RMST: variants seen among roughly 807,000 people sequenced by gnomAD.
RMST encodes long intergenic non-protein coding RNA 54.
intron 11 of RMST, chr12:97,560,391 C>G (rs756042585): frequency 5.9e-5 from 9 of 152,138 alleles, no homozygotes; most frequent in Non-Finnish European, 1.0e-4. Context: ...TTGTAAAAAG[C>G]AATGAATGTG....
chr12:97,499,657 C>CTTTTTTTTTTTTTTTTTTTTTTTT (rs540776298), intron 10 of RMST, among the ~76,000 whole-genome samples: 2 of 131,912 alleles, frequency 1.5e-5, no homozygotes, highest in African/African-American at 3.0e-5. Flanking sequence ...TTTTTTCTTT[C>CTTTTTTTTTTTTTTTTTTTTTTTT]TTTTTTTTTT....
intron 10 of RMST, among the ~76,000 whole-genome samples, chr12:97,507,258 T>C (rs80031733): frequency 7.3e-6 from 1 of 137,548 alleles, no homozygotes; most frequent in African/African-American, 3.1e-5. Context: ...GTTGTTATTG[T>C]TTTTTTTTTG....
chr12:97,527,906 TA>T (rs1881269066), intron 10 of RMST, among the ~76,000 whole-genome samples: 1 of 151,970 alleles, frequency 6.6e-6, no homozygotes, highest in Non-Finnish European at 1.5e-5. Flanking sequence ...AGAAAAAAAA[TA>T]AAAGGTGTAG....
intron 10 of RMST, among the ~76,000 whole-genome samples, chr12:97,498,031 T>A (rs926286708): frequency 2.6e-5 from 4 of 152,108 alleles, no homozygotes; most frequent in African/African-American, 9.7e-5. Flanking sequence ...CTAGTCCAAA[T>A]TTTTCAACAA....
intron 10 of RMST, among the ~76,000 whole-genome samples, chr12:97,528,315 C>G (rs1881311600): frequency 6.6e-6 from 1 of 152,036 alleles, no homozygotes; most frequent in Non-Finnish European, 1.5e-5. Context: ...TTTTATCAGT[C>G]TTTCTTATTA....
chr12:97,533,482 T>A (rs934238098), intron 11 of RMST: 1 of 151,864 alleles, frequency 6.6e-6, no homozygotes, highest in Admixed American at 6.6e-5. Context: ...ATATTCAGTA[T>A]TTTCATTAAG....
intron 10 of RMST, among the ~76,000 whole-genome samples, chr12:97,516,363 C>A (rs961714719): frequency 3.3e-5 from 5 of 151,842 alleles, no homozygotes; most frequent in Admixed American, 2.0e-4. Context: ...TTTTGTAAAA[C>A]CCTGCAGTAC....
At chr12:97,535,037 T>G (rs1312282656) in intron 11 of RMST, among the ~76,000 whole-genome samples, 26 of 151,698 alleles carry the variant, frequency 1.7e-4, no homozygotes, top group Admixed American at 1.7e-3. Context: ...TTAAAAAAAT[T>G]ATTCATAGTA....
intron 5 of RMST, among the ~76,000 whole-genome samples, chr12:97,485,962 A>G (rs1042866520): frequency 5.3e-5 from 8 of 152,372 alleles, no homozygotes; most frequent in African/African-American, 1.9e-4. Flanking sequence ...TATCTGTGCA[A>G]AGGGATAATG....
intron 10 of RMST, among the ~76,000 whole-genome samples, chr12:97,497,820 G>A (rs1490654417): frequency 1.3e-5 from 2 of 152,212 alleles, no homozygotes; most frequent in East Asian, 1.9e-4. Flanking sequence ...GGGGAAGGAG[G>A]CAGTCACCCT....
At chr12:97,486,365 G>C (rs953470913) in intron 5 of RMST, among the ~76,000 whole-genome samples, 3 of 139,244 alleles carry the variant, frequency 2.2e-5, no homozygotes, top group Non-Finnish European at 4.7e-5. Context: ...CCTTGAACAT[G>C]CTCCTATGAA....
At chr12:97,484,721 T>G (rs1366203032) in intron 5 of RMST, among the ~76,000 whole-genome samples, 2 of 152,182 alleles carry the variant, frequency 1.3e-5, no homozygotes, top group African/African-American at 4.8e-5. Context: ...TCTTTCAAGC[T>G]ATATATAACT....
chr12:97,527,372 C>T (rs1249563819), intron 10 of RMST, among the ~76,000 whole-genome samples: 1 of 152,132 alleles, frequency 6.6e-6, no homozygotes, highest in African/African-American at 2.4e-5. Flanking sequence ...CTTCAACAAC[C>T]CATTGTCATT....
In RMST at chr12:97,466,709, C is replaced by T. The variant is rs534305187; in HGVS notation, n.644+982C>T. 3.3e-5 allele frequency among the ~76,000 whole-genome samples: 5 copies of T among 152,106 alleles called. No homozygotes were observed. In the South Asian group the frequency reaches 6.2e-4, roughly 19 times the overall value. On this transcript the variant is annotated intron_variant and non_coding_transcript_variant, in intron 5 of 13. Coordinates refer to ENST00000640149, the Ensembl canonical transcript of RMST. ...TTTTAATAGCTGTTCTCTAATATCT[C>T]GTTCCAAATACAATGTTTTTATTGC... is the stretch of plus-strand genomic sequence containing the variant.
chr12:97,549,175 T>G (rs1342120772), intron 11 of RMST, among the ~76,000 whole-genome samples: 1 of 152,190 alleles, frequency 6.6e-6, no homozygotes, highest in Admixed American at 6.5e-5. Context: ...GAAGTTGAAA[T>G]CTCCTTAAGG....
At chr12:97,477,388 AAG>A (rs1874680641) in intron 5 of RMST, among the ~76,000 whole-genome samples, 1 of 152,196 alleles carries the variant, frequency 6.6e-6, no homozygotes, top group East Asian at 1.9e-4. Context: ...CAGAAATCAA[AAG>A]ACCAGATAAG....
At chr12:97,498,550 T>C (rs1217101763) in intron 10 of RMST, among the ~76,000 whole-genome samples, 1 of 152,220 alleles carries the variant, frequency 6.6e-6, no homozygotes, top group African/African-American at 2.4e-5. Context: ...TGTCTTTGCA[T>C]GTATACACAT....
At chr12:97,510,683 T>C (rs1443344962) in intron 10 of RMST, among the ~76,000 whole-genome samples, 4 of 152,214 alleles carry the variant, frequency 2.6e-5, no homozygotes, top group Admixed American at 2.6e-4. Context: ...CATAGGGAGT[T>C]ACTTCTTGGT....
chr12:97,564,334 C>T (rs1162750411), exon 14 of RMST: 1 of 168,576 alleles, frequency 5.9e-6, no homozygotes, highest in Non-Finnish European at 1.3e-5. Flanking sequence ...AAAAGGTATA[C>T]ATTGGATGGG....
Sources: gnomAD v4.1 joint callset for allele counts (sites outside exome capture counted in the v4.1 genomes callset) on GRCh38, gnomAD v4.1.1 for gene constraint, MANE v1.5 for transcripts, NCBI Gene and HGNC (gene_info 2026-07-23, HGNC 2026-07-21) for gene names.